The following DLGAP1 variants were observed in gnomAD, a reference collection of about 807,000 sequenced individuals.
DLGAP1 encodes the protein disks large-associated protein 1.
Under a neutral mutation model 90.8 loss-of-function variants are expected in DLGAP1, and 11 were observed. The ratio of observed to expected loss-of-function variants is 0.12; its 90% CI spans 0.08 to 0.20. DLGAP1 has a LOEUF of 0.20. Ranked by LOEUF, DLGAP1 falls within the 10% of genes least tolerant of loss-of-function variation. DLGAP1 has a pLI of 1.00. For synonymous variants in DLGAP1, 558 were observed against 540.7 expected, an observed-to-expected ratio of 1.03 and a Z score of -0.44; for missense variants, 1,050 against 1,333.8, an observed-to-expected ratio of 0.79 and a Z score of 3.31.
chr18:4,156,420 A>G (rs900115355), intron 1 of DLGAP1, among the ~76,000 whole-genome samples: 2 of 152,196 alleles, frequency 1.3e-5, no homozygotes, highest in Admixed American at 1.3e-4. Flanking sequence ...ACATATTTTA[A>G]TTCCCTTCTG....
intron 1 of DLGAP1, among the ~76,000 whole-genome samples, chr18:4,244,855 C>T (rs1040534020): frequency 5.3e-5 from 8 of 152,230 alleles, no homozygotes; most frequent in South Asian, 4.2e-4. Flanking sequence ...TCCAGTGTAA[C>T]GAAATGGTTC....
chr18:3,579,938 C>T (rs2055388824), intron 8 of DLGAP1, among the ~76,000 whole-genome samples: 1 of 152,164 alleles, frequency 6.6e-6, no homozygotes, highest in South Asian at 2.1e-4. Flanking sequence ...CATTTTTGTT[C>T]TCATATGGTC....
At chr18:3,906,000 A>G (rs1439393670) in intron 3 of DLGAP1, among the ~76,000 whole-genome samples, 1 of 152,196 alleles carries the variant, frequency 6.6e-6, no homozygotes, top group Non-Finnish European at 1.5e-5. Flanking sequence ...TGTTCTGCAA[A>G]ACATACCTGA....
chr18:4,235,043 C>G (rs180706141), intron 1 of DLGAP1, among the ~76,000 whole-genome samples: 1 of 152,234 alleles, frequency 6.6e-6, no homozygotes. Context: ...AGCTTCCTGA[C>G]TTCTGCCCAG....
At chr18:4,164,401 C>G (rs1010333902) in intron 1 of DLGAP1, among the ~76,000 whole-genome samples, 2 of 152,124 alleles carry the variant, frequency 1.3e-5, no homozygotes, top group African/African-American at 4.8e-5. Flanking sequence ...ACTGCCGGGG[C>G]TGGGTGTGGT....
intron 4 of DLGAP1, among the ~76,000 whole-genome samples, chr18:3,844,210 C>T (rs755723366): frequency 6.6e-6 from 1 of 152,138 alleles, no homozygotes; most frequent in East Asian, 1.9e-4. Context: ...TTGAATAGAC[C>T]TTCTGAAATA....
chr18:3,573,688 T>A (rs2054942820), intron 8 of DLGAP1, among the ~76,000 whole-genome samples: 1 of 152,084 alleles, frequency 6.6e-6, no homozygotes, highest in South Asian at 2.1e-4. Context: ...GATTTCTTCC[T>A]CCAGGTTTTT....
rs1568037778 is a variant in DLGAP1, at chr18:3,735,951, TA to T, written c.1350+6383del. On this transcript the variant is annotated intron_variant, in intron 6 of 12. Coordinates refer to ENST00000315677, the MANE Select transcript of DLGAP1 (RefSeq NM_004746.4). ...GTTTCCATTTCATTCTCTTTCTCTC[TA>T]CACACACACACACACGCAAGCACAC... 6.6e-4 allele frequency among the ~76,000 whole-genome samples: 100 copies of T among 150,530 alleles called. 2 individuals carry two copies. The highest frequency in any genetic ancestry group is 2.4e-3 in the African/African-American group (99 of 40,902).
Position 4,002,615 on chromosome 18 carries a change from C to A in DLGAP1, c.-73+2501G>T, listed in dbSNP as rs146928598. On this transcript the variant is annotated intron_variant, in intron 3 of 12. Coordinates refer to ENST00000315677, the MANE Select transcript of DLGAP1 (RefSeq NM_004746.4). ...TGTAATACATATTACATATAACATA[C>A]AACATATGTATTCAATGACGATGTT... Among the ~76,000 whole-genome samples, 504 of 152,230 alleles carry A rather than the reference C, an allele frequency of 3.3e-3. 2 individuals are homozygous for A. Among genetic ancestry groups the A allele is most frequent in the African/African-American group, 9.6e-3 (397 of 41,524 alleles).
intron 2 of DLGAP1, among the ~76,000 whole-genome samples, chr18:4,018,329 G>A (rs1011438990): frequency 3.3e-5 from 5 of 152,258 alleles, no homozygotes; most frequent in African/African-American, 1.2e-4. Flanking sequence ...GTGGGGATGA[G>A]TCTTTGTATC....
intron 2 of DLGAP1, among the ~76,000 whole-genome samples, chr18:4,049,432 G>C (rs558222827): frequency 2.0e-5 from 3 of 152,122 alleles, no homozygotes; most frequent in African/African-American, 7.2e-5. Flanking sequence ...ACTCATGCTG[G>C]CCGTCACACT....
chr18:3,870,605 C>CACCT (rs2070685960), intron 4 of DLGAP1, among the ~76,000 whole-genome samples: 1 of 148,114 alleles, frequency 6.8e-6, no homozygotes, highest in Non-Finnish European at 1.5e-5. Context: ...TACATAAATA[C>CACCT]ATCTATCTAT....
In DLGAP1 at chr18:3,702,558, T is replaced by C. The variant is rs188155079; in HGVS notation, c.1591+26577A>G. 4.3e-3 allele frequency among the ~76,000 whole-genome samples: 659 copies of C among 152,298 alleles called. 16 individuals carry two copies. Among genetic ancestry groups the C allele is most frequent in the Admixed American group, 0.037 (566 of 15,302 alleles). On this transcript the variant is annotated intron_variant, in intron 7 of 12. Transcript: ENST00000315677. ...AGGCGCCCTAGGATCCTGGGCTTCT[T>C]CCTAGACCCTTCCCTGGGTTTGAGA...
intron 7 of DLGAP1, among the ~76,000 whole-genome samples, chr18:3,718,629 A>G (rs968065549): frequency 6.6e-6 from 1 of 152,080 alleles, no homozygotes; most frequent in Non-Finnish European, 1.5e-5. Context: ...AGCCACAGAA[A>G]TAATGACTGA....
intron 1 of DLGAP1, among the ~76,000 whole-genome samples, chr18:4,302,828 T>C (rs2080159921): frequency 6.6e-6 from 1 of 152,220 alleles, no homozygotes; most frequent in Non-Finnish European, 1.5e-5. Context: ...TTTAACAATA[T>C]TAATTCTTCC....
chr18:3,898,510 C>T (rs978653415), intron 3 of DLGAP1, among the ~76,000 whole-genome samples: 2 of 152,150 alleles, frequency 1.3e-5, no homozygotes, highest in African/African-American at 4.8e-5. Flanking sequence ...ACAGTTTAGG[C>T]ACCACTACAC....
chr18:3,943,405 G>A (rs2072810270), intron 3 of DLGAP1, among the ~76,000 whole-genome samples: 2 of 150,780 alleles, frequency 1.3e-5, no homozygotes, highest in African/African-American at 4.9e-5. Context: ...AGGTTTTTAA[G>A]GTGATAAACT....
At chr18:3,854,365 A>C (rs984680904) in intron 4 of DLGAP1, among the ~76,000 whole-genome samples, 13 of 149,650 alleles carry the variant, frequency 8.7e-5, no homozygotes, top group Admixed American at 2.7e-4. Flanking sequence ...TCATACATAC[A>C]TTGGTGGGGG....
At chr18:3,745,440 G>A (rs2063227509) in intron 5 of DLGAP1, among the ~76,000 whole-genome samples, 1 of 152,126 alleles carries the variant, frequency 6.6e-6, no homozygotes, top group East Asian at 1.9e-4. Context: ...AGACTAAACT[G>A]GGCAATACTA....
Sources: allele counts gnomAD v4.1 joint callset (sites outside exome capture counted in the v4.1 genomes callset), GRCh38; gene constraint gnomAD v4.1.1; transcripts MANE v1.5; gene names NCBI Gene and HGNC (gene_info 2026-07-23, HGNC 2026-07-21).